VTI1A: variants seen among roughly 807,000 people sequenced by gnomAD.
VTI1A encodes vesicle transport through interaction with t-SNAREs homolog 1A.
VTI1A carries 22 observed loss-of-function variants against 34.9 expected under a neutral mutation model. The observed-to-expected ratio is 0.63, with a 90% confidence interval of 0.45 to 0.90. The LOEUF (loss-of-function observed/expected upper bound fraction) is 0.90. Among genes scored for constraint, VTI1A ranks in the 40% least tolerant of loss-of-function variants. The pLI is 0.00. For synonymous variants in VTI1A, 87 were observed against 97.3 expected (o/e 0.89, Z 0.62); for missense variants, 268 against 275.6 (o/e 0.97, Z 0.20).
Position 112,817,332 on chromosome 10 carries a change from C to G in VTI1A, c.*1949C>G, listed in dbSNP as rs1296220989. 4 of 232,292 alleles carry G rather than the reference C, an allele frequency of 1.7e-5. No homozygotes were observed. The highest frequency in any genetic ancestry group is 3.4e-5 in the Non-Finnish European group (4 of 117,524). 14.4% of individuals were successfully genotyped at this position (232,292 alleles called of 1,614,324 possible). A position where few individuals can be genotyped will look rare whatever the true frequency, so the allele number is the denominator to read the frequency against. On this transcript the variant is annotated 3_prime_UTR_variant, in exon 8 of 8. Coordinates refer to ENST00000393077, the MANE Select transcript of VTI1A (RefSeq NM_145206.4). The stretch of plus-strand genomic sequence containing the variant: ...AGGCCACCTAGCAAGCAAGGTTGAT[C>G]GGATCATCTAAACTGGCCGCCTCCT...
chr10:112,755,185 G>A (rs540213088), intron 7 of VTI1A, among the ~76,000 whole-genome samples: 52 of 152,250 alleles, frequency 3.4e-4, no homozygotes, highest in African/African-American at 1.1e-3. Context: ...GAACTCAGGC[G>A]GTGGAGGTTG....
chr10:112,642,317 G>C (rs558586248), intron 5 of VTI1A, among the ~76,000 whole-genome samples: 1 of 152,258 alleles, frequency 6.6e-6, no homozygotes, highest in African/African-American at 2.4e-5. Context: ...TCGAGCAGCT[G>C]AGGAACTCCG....
the VTI1A span, among the ~76,000 whole-genome samples, chr10:112,852,408 A>G: frequency 3.9e-5 from 6 of 152,200 alleles, no homozygotes; most frequent in African/African-American, 1.2e-4. Flanking sequence ...TTATTGCTGT[A>G]TCTCTTTCAC....
the VTI1A span, among the ~76,000 whole-genome samples, chr10:112,846,773 A>AG: frequency 6.6e-6 from 1 of 151,888 alleles, no homozygotes; most frequent in Admixed American, 6.6e-5. Flanking sequence ...CTCAAAAAAA[A>AG]AAAAAAAAAG....
chr10:112,810,792 G>C (rs1853254436), intron 7 of VTI1A, among the ~76,000 whole-genome samples: 1 of 152,202 alleles, frequency 6.6e-6, no homozygotes, highest in African/African-American at 2.4e-5. Context: ...GCGGATGCCT[G>C]GCTAGGCCTG....
At chr10:112,611,737 A>ATTTTTTTTTTTTTTTTTTTTGTTTTT (rs1845317533) in intron 5 of VTI1A, among the ~76,000 whole-genome samples, 1 of 100,856 alleles carries the variant, frequency 9.9e-6, no homozygotes, top group Non-Finnish European at 1.9e-5. Flanking sequence ...GAGAAAGGTA[A>ATTTTTTTTTTTTTTTTTTTTGTTTTT]TTTTTTTTTT....
At chr10:112,532,404 A>G (rs1850479627) in intron 4 of VTI1A, among the ~76,000 whole-genome samples, 2 of 152,216 alleles carry the variant, frequency 1.3e-5, no homozygotes, top group Admixed American at 1.3e-4. Flanking sequence ...CTGAGGATGC[A>G]AATTTCAGAC....
chr10:112,584,158 CT>C (rs1455999555), intron 5 of VTI1A, among the ~76,000 whole-genome samples: 6 of 152,116 alleles, frequency 3.9e-5, no homozygotes, highest in Non-Finnish European at 8.8e-5. Flanking sequence ...TTTATGTATC[CT>C]TTTTCATTAA....
rs77425263 is a variant in VTI1A at position 112,486,386 on chromosome 10, A to G, written c.264+21729A>G. 1.5e-3 allele frequency among the ~76,000 whole-genome samples: 231 copies of G among 152,340 alleles called. 1 individual carries two copies. Among genetic ancestry groups the G allele is most frequent in the African/African-American group, 5.4e-3 (225 of 41,572 alleles). On this transcript the variant is annotated intron_variant, in intron 3 of 7. Transcript: ENST00000393077. ...TCACCTACCTCACAATGGGTTAATC[A>G]TGAAATAATACATCATGAAAATGCC...
intron 5 of VTI1A, among the ~76,000 whole-genome samples, chr10:112,594,664 T>C (rs1033622927): frequency 1.3e-4 from 19 of 151,962 alleles, no homozygotes; most frequent in Admixed American, 3.3e-4. Context: ...TAAAAGAGGA[T>C]ACAAAGAAAT....
At chr10:112,574,679 C>A (rs1016929658) in intron 5 of VTI1A, among the ~76,000 whole-genome samples, 44 of 152,252 alleles carry the variant, frequency 2.9e-4, no homozygotes, top group African/African-American at 8.7e-4. Context: ...ATGGATGGAA[C>A]CTATCAAGTG....
chr10:112,786,297 G>A (rs1852284652), intron 7 of VTI1A, among the ~76,000 whole-genome samples: 1 of 152,132 alleles, frequency 6.6e-6, no homozygotes, highest in Non-Finnish European at 1.5e-5. Flanking sequence ...CTCATCTTGT[G>A]ACCTTGCTAA....
intron 7 of VTI1A, among the ~76,000 whole-genome samples, chr10:112,800,393 A>G (rs1852836560): frequency 1.3e-5 from 2 of 152,224 alleles, no homozygotes; most frequent in African/African-American, 2.4e-5. Flanking sequence ...GGCTTTCAGA[A>G]CAAGGCACCT....
intron 7 of VTI1A, among the ~76,000 whole-genome samples, chr10:112,715,952 G>A (rs1037107674): frequency 3.9e-5 from 6 of 152,190 alleles, no homozygotes; most frequent in Non-Finnish European, 5.9e-5. Context: ...GGGAAGACAC[G>A]CTGCTTTACC....
intron 5 of VTI1A, among the ~76,000 whole-genome samples, chr10:112,544,525 A>G (rs940488419): frequency 1.3e-5 from 2 of 152,124 alleles, no homozygotes; most frequent in Non-Finnish European, 2.9e-5. Context: ...TTAAGTTAAT[A>G]ATGGACAAGA....
chr10:112,713,961 C>T (rs1849519148), intron 7 of VTI1A, among the ~76,000 whole-genome samples: 1 of 152,108 alleles, frequency 6.6e-6, no homozygotes, highest in African/African-American at 2.4e-5. Flanking sequence ...CTTCGGTGCT[C>T]CCCGTGTATT....
chr10:112,730,896 A>G (rs1167117972), intron 7 of VTI1A, among the ~76,000 whole-genome samples: 1 of 152,252 alleles, frequency 6.6e-6, no homozygotes, highest in Non-Finnish European at 1.5e-5. Context: ...AAATTCTGCT[A>G]TAAAGAAGCA....
chr10:112,449,552 G>C (rs903094842), intron 1 of VTI1A: 3 of 152,318 alleles, frequency 2.0e-5, no homozygotes, highest in Admixed American at 2.0e-4. Flanking sequence ...TCGGGAGTTT[G>C]AGACCAGCCT....
intron 5 of VTI1A, among the ~76,000 whole-genome samples, chr10:112,589,018 CTTTTTT>C (rs3057340): frequency 3.1e-5 from 4 of 129,262 alleles, no homozygotes; most frequent in African/African-American, 5.8e-5. Context: ...GACTCCTTGT[CTTTTTT>C]TTTTTTTTTT....
Sources: allele counts gnomAD v4.1 joint callset (sites outside exome capture counted in the v4.1 genomes callset), GRCh38; gene constraint gnomAD v4.1.1; transcripts MANE v1.5; gene names NCBI Gene and HGNC (gene_info 2026-07-23, HGNC 2026-07-21).